PML: variants seen among roughly 807,000 people sequenced by gnomAD.
PML encodes the protein protein PML.
In PML, 28 loss-of-function variants were observed where a neutral mutation model predicts 65.2. That is an observed-to-expected ratio of 0.43 (90% CI 0.32 to 0.59). PML has a LOEUF of 0.59. Among genes scored for constraint, PML ranks in the 20% least tolerant of loss-of-function variants. The probability of loss-of-function intolerance (pLI) is 0.08; values close to 1 mark genes in which losing one functional copy is unlikely to be tolerated. For synonymous variants in PML, 500 were observed against 508.8 expected (o/e 0.98, Z 0.23); for missense variants, 1,021 against 1,203.4 (o/e 0.85, Z 2.24).
chr15:74,034,554 C>A, intron 7 of PML, 24 bp downstream of exon 7: 1 of 1,614,196 alleles, frequency 6.2e-7, no homozygotes, highest in South Asian at 1.1e-5. Context: ...AAGTTCAGCC[C>A]AGGACTCCTG....
intron 1 of PML, among the ~76,000 whole-genome samples, chr15:73,996,739 T>G (rs1253353335): frequency 6.6e-6 from 1 of 152,218 alleles, no homozygotes; most frequent in Admixed American, 6.6e-5. Flanking sequence ...CCTCCTGCAG[T>G]CATACTTTGA....
chr15:74,016,758 AAT>A (rs1025911244), intron 2 of PML, among the ~76,000 whole-genome samples: 1 of 141,010 alleles, frequency 7.1e-6, no homozygotes, highest in Non-Finnish European at 1.6e-5. Context: ...CTTTCAAAAA[AAT>A]ATACAGTTTT....
intron 2 of PML, among the ~76,000 whole-genome samples, chr15:74,021,922 G>C (rs1261391968): frequency 2.0e-5 from 3 of 152,214 alleles, no homozygotes; most frequent in East Asian, 1.9e-4. Context: ...AGTTCGTTGA[G>C]AGGAGGAAGT....
At chr15:74,019,291 C>G (rs897846189) in intron 2 of PML, among the ~76,000 whole-genome samples, 3 of 152,358 alleles carry the variant, frequency 2.0e-5, no homozygotes. Context: ...GGCTTGGAAC[C>G]CTGTCTCCAA....
chr15:74,029,572 C>T (rs2071227599), intron 4 of PML, among the ~76,000 whole-genome samples: 1 of 151,704 alleles, frequency 6.6e-6, no homozygotes, highest in Admixed American at 6.6e-5. Context: ...TGCAGTGAGC[C>T]AAGATTATGC....
chr15:74,036,680 T>C (rs752004), intron 7 of PML, among the ~76,000 whole-genome samples: 78,495 of 151,872 alleles, frequency 0.52, 20,368 homozygotes, highest in East Asian at 0.64. Context: ...CCCACCCTCA[T>C]TGAGGGCAGA....
At chr15:74,029,754 C>T (rs1343759625) in intron 4 of PML, among the ~76,000 whole-genome samples, 1 of 152,124 alleles carries the variant, frequency 6.6e-6, no homozygotes, top group Non-Finnish European at 1.5e-5. Flanking sequence ...CACTAAATTG[C>T]TTTCATGGTT....
Position 74,022,854 on chromosome 15 carries a change from C to T in PML, c.629C>T (p.Pro210Leu), listed in dbSNP as rs1262797163. ...ATCTACTGCCGAGGATGTTCCAAGCCGCTGTGCTGCTCGTGCGCGCTCCTT... is the reference window on the plus strand; with the variant it reads ...ATCTACTGCCGAGGATGTTCCAAGCTGCTGTGCTGCTCGTGCGCGCTCCTT... Reference protein sequence around the residue: ...TSIYCRGCSKPLCCSCALLDS... With the variant: ...TSIYCRGCSKLLCCSCALLDS... Residue 210 changes from proline (P) to leucine (L), a missense_variant, in exon 3 of 9, where the codon CCG becomes CTG. Transcript: ENST00000268058. 3 of 1,613,934 alleles carry T rather than the reference C, an allele frequency of 1.9e-6. No homozygotes were observed. The highest frequency in any genetic ancestry group is 2.5e-6 in the Non-Finnish European group (3 of 1,179,990).
rs772139210 is a variant in PML, at chr15:74,023,045, G to A, written c.820G>A (p.Glu274Lys). The A allele has an allele frequency of 1.2e-5, 19 of 1,604,096 alleles. No homozygotes were observed. In the African/African-American group the frequency reaches 2.0e-4, roughly 17 times the overall value. ...AVGQLGRARAETEELIRERVR... is the reference protein window; with the variant it reads ...AVGQLGRARAKTEELIRERVR... ...CGGCCAGCTGGGCCGCGCGCGTGCC[G>A]AGACCGAGGAGCTGATCCGCGAGCG... Residue 274 changes from glutamate to lysine, a missense_variant, in exon 3 of 9, where the codon GAG (glutamate) becomes AAG (lysine). Physicochemically the swap from Glu to Lys is moderately conservative, Grantham distance 56 (BLOSUM62 1). Coordinates refer to ENST00000268058, the MANE Select transcript of PML (RefSeq NM_033238.3).
At position 74,045,866 on chromosome 15, in the gene PML, C is replaced by T. The variant is rs1178608816; in HGVS notation, c.*858C>T. ...TAGAAATGCAGACCTGTGGGCTCTA[C>T]CACAGGCCTCTGGAATCAGAATCTT... is the stretch of plus-strand genomic sequence containing the variant. On this transcript the variant is annotated 3_prime_UTR_variant, in exon 9 of 9. Coordinates refer to ENST00000268058, the MANE Select transcript of PML (RefSeq NM_033238.3). 8.6e-6 allele frequency: 2 copies of T among 232,250 alleles called. No homozygotes were observed. The highest frequency in any genetic ancestry group is 1.7e-5 in the Non-Finnish European group (2 of 117,432). 14.4% of individuals were successfully genotyped at this position (232,250 alleles called of 1,614,324 possible).
rs766630642 is a variant in PML at position 74,001,466 on chromosome 15, A to G, written c.602+2990A>G. On this transcript the variant is annotated intron_variant, in intron 2 of 8. Coordinates refer to ENST00000268058, the MANE Select transcript of PML (RefSeq NM_033238.3). Reference sequence around the variant, plus strand: ...GTGATTCTCCTGCCTCAGCCTCCCCAGTAGCTGAGACTACAGGTGCCCACC... The same window carrying G: ...GTGATTCTCCTGCCTCAGCCTCCCCGGTAGCTGAGACTACAGGTGCCCACC... Among the ~76,000 whole-genome samples, 22 of 151,952 alleles carry G rather than the reference A, an allele frequency of 1.4e-4. No individual in the cohort carries two copies. In the South Asian group the frequency reaches 2.3e-3, roughly 16 times the overall value.
At chr15:74,025,159 G>A (rs940391083) in intron 4 of PML, 1 of 557,048 alleles carries the variant, frequency 1.8e-6, no homozygotes, top group Non-Finnish European at 3.3e-6. Flanking sequence ...GATGGGCCAT[G>A]AGCCAGGTTC....
intron 1 of PML, 70 bp downstream of exon 1, chr15:73,995,011 G>C: frequency 7.2e-7 from 1 of 1,386,644 alleles, no homozygotes; most frequent in South Asian, 1.4e-5. Context: ...GGCGGGAAGA[G>C]AGGGTCTAAC....
rs144134022 is a variant in PML, at chr15:74,037,528, G to T, written c.1710+2998G>T. 1.0e-6 allele frequency: 1 copy of T among 985,138 alleles called. No individual in the cohort carries two copies. Among genetic ancestry groups the T allele is most frequent in the Non-Finnish European group, 1.2e-6 (1 of 829,898 alleles). The allele number at this position is 985,138 out of a possible 1,614,324, so 61.0% of individuals were successfully genotyped here. A position where few individuals can be genotyped will look rare whatever the true frequency, so the allele number is the denominator to read the frequency against. On this transcript the variant is annotated intron_variant, in intron 7 of 8. Transcript: ENST00000268058. This position sits in a 1 kb window ranked among gnomAD's most constrained non-coding sequence, Gnocchi z 4.2. ...CCACCCACTTCTCTCTCCAGCTGTC[G>T]GCTCCCCTTCCTCTGCTCTCCTTGT...
intron 2 of PML, among the ~76,000 whole-genome samples, chr15:74,001,897 G>T (rs2069779017): frequency 6.6e-6 from 1 of 151,986 alleles, no homozygotes; most frequent in Non-Finnish European, 1.5e-5. Context: ...CCAGTTATTT[G>T]GGAGGTTGAG....
At chr15:74,001,484 T>C (rs1348006416) in intron 2 of PML, among the ~76,000 whole-genome samples, 1 of 152,014 alleles carries the variant, frequency 6.6e-6, no homozygotes, top group Non-Finnish European at 1.5e-5. Context: ...AGACTACAGG[T>C]GCCCACCACC....
chr15:74,006,119 T>C (rs1311538230), intron 2 of PML, among the ~76,000 whole-genome samples: 1 of 152,066 alleles, frequency 6.6e-6, no homozygotes, highest in Non-Finnish European at 1.5e-5. Context: ...GGCTGGGTGC[T>C]GCGGCTCACA....
intron 2 of PML, among the ~76,000 whole-genome samples, chr15:74,012,157 C>T (rs895981732): frequency 1.3e-5 from 2 of 152,012 alleles, no homozygotes; most frequent in Non-Finnish European, 2.9e-5. Flanking sequence ...AGAAAAAAAC[C>T]CCAAGACATT....
intron 7 of PML, among the ~76,000 whole-genome samples, chr15:74,038,559 C>A (rs1477880342): frequency 6.6e-6 from 1 of 152,012 alleles, no homozygotes; most frequent in African/African-American, 2.4e-5. Flanking sequence ...CAAATTAGGT[C>A]CCCCCTATGC....
Sources: allele counts gnomAD v4.1 joint callset (sites outside exome capture counted in the v4.1 genomes callset), GRCh38; gene constraint gnomAD v4.1.1; non-coding constraint Gnocchi (gnomAD v3.1); transcripts MANE v1.5; gene names NCBI Gene and HGNC (gene_info 2026-07-23, HGNC 2026-07-21).